FGF12: variants seen among roughly 807,000 people sequenced by gnomAD.
The protein encoded by FGF12 is fibroblast growth factor 12B.
FGF12 carries 14 observed loss-of-function variants against 23.6 expected under a neutral mutation model. That is an observed-to-expected ratio of 0.59 (90% CI 0.39 to 0.93). The LOEUF (loss-of-function observed/expected upper bound fraction) is 0.93, where lower values mean the gene tolerates loss of function less well. Ranked by LOEUF, FGF12 falls within the 40% of genes least tolerant of loss-of-function variation. FGF12 has a pLI of 0.00. For missense variants in FGF12, 175 were observed against 217.8 expected (o/e 0.80, Z 1.24); for synonymous variants, 62 against 77.3 (o/e 0.80, Z 1.04).
chr3:192,571,468 G>A (rs1450776350), intron 2 of FGF12, among the ~76,000 whole-genome samples: 4 of 152,260 alleles, frequency 2.6e-5, no homozygotes, highest in African/African-American at 7.2e-5. Flanking sequence ...GAGCGCGCGA[G>A]CAGCGCGGCA....
intron 2 of FGF12, among the ~76,000 whole-genome samples, chr3:192,472,622 A>G (rs1286028100): frequency 6.6e-6 from 1 of 152,156 alleles, no homozygotes; most frequent in African/African-American, 2.4e-5. Context: ...GCTAAAACTC[A>G]TGAACAGCAT....
chr3:192,724,416 C>T (rs957096487), intron 2 of FGF12, among the ~76,000 whole-genome samples: 4 of 152,130 alleles, frequency 2.6e-5, no homozygotes, highest in African/African-American at 7.2e-5. Context: ...GTATGCGGTG[C>T]CATCTCAGGA....
chr3:192,597,008 T>C (rs918806835), intron 2 of FGF12, among the ~76,000 whole-genome samples: 1 of 152,238 alleles, frequency 6.6e-6, no homozygotes, highest in East Asian at 1.9e-4. Context: ...ATTCTATGAA[T>C]GTTAAGTCCC....
intron 2 of FGF12, among the ~76,000 whole-genome samples, chr3:192,712,607 TTTAAG>T (rs1414652087): frequency 2.0e-5 from 3 of 152,170 alleles, no homozygotes; most frequent in African/African-American, 7.2e-5. Context: ...AATGGTGTAA[TTTAAG>T]TTCTGAAGAA....
At chr3:192,669,495 G>C (rs906199071) in intron 2 of FGF12, among the ~76,000 whole-genome samples, 1 of 151,304 alleles carries the variant, frequency 6.6e-6, no homozygotes, top group Non-Finnish European at 1.5e-5. Context: ...ACTGAGGCAG[G>C]AGAATCGCTT....
intron 5 of FGF12, among the ~76,000 whole-genome samples, chr3:192,155,932 C>G (rs572110686): frequency 1.3e-5 from 2 of 152,282 alleles, no homozygotes; most frequent in South Asian, 4.1e-4. Context: ...TTCCTAGTCC[C>G]TTGATTTGTA....
chr3:192,174,613 A>G (rs887104742), intron 4 of FGF12, among the ~76,000 whole-genome samples: 4 of 152,312 alleles, frequency 2.6e-5, no homozygotes, highest in Non-Finnish European at 5.9e-5. Context: ...AGTCATTCTA[A>G]GTAGAACCTT....
intron 2 of FGF12, among the ~76,000 whole-genome samples, chr3:192,589,271 T>G (rs1713524143): frequency 1.3e-5 from 2 of 150,866 alleles, no homozygotes; most frequent in Non-Finnish European, 3.0e-5. Flanking sequence ...GGAGGCGAAG[T>G]TTGCAGGAAG....
chr3:192,576,855 A>G (rs1577062703), intron 2 of FGF12, among the ~76,000 whole-genome samples: 1 of 152,160 alleles, frequency 6.6e-6, no homozygotes, highest in South Asian at 2.1e-4. Context: ...ACACATAGAC[A>G]CCATGGAATA....
At chr3:192,611,576 C>A (rs1714551031) in intron 2 of FGF12, among the ~76,000 whole-genome samples, 1 of 151,974 alleles carries the variant, frequency 6.6e-6, no homozygotes, top group Admixed American at 6.6e-5. Flanking sequence ...CTGAACACAG[C>A]TTCATAATAG....
chr3:192,192,056 G>C (rs990952681), intron 4 of FGF12, among the ~76,000 whole-genome samples: 1 of 152,090 alleles, frequency 6.6e-6, no homozygotes, highest in Non-Finnish European at 1.5e-5. Flanking sequence ...CTGGTGCTCT[G>C]GCATAAACCT....
Position 192,408,128 on chromosome 3 carries a change from G to A in FGF12, c.14-47590C>T. 6.2e-7 allele frequency: 1 copy of A among 1,612,820 alleles called. No homozygotes were observed. The highest frequency in any genetic ancestry group is 2.2e-5 in the East Asian group (1 of 44,842). ...ACAGGGAGCGCCCGTCTTTGCTGGG[G>A]CTGGAGCGGCGCTTGGAGGCCGACA... On this transcript the variant is annotated intron_variant, in intron 2 of 5. Coordinates refer to ENST00000445105, the MANE Select transcript of FGF12 (RefSeq NM_004113.6). The surrounding 1 kb of genome is among the most constrained non-coding windows in gnomAD (Gnocchi z 7.3).
chr3:192,268,619 T>C, intron 4 of FGF12: 1 of 413,464 alleles, frequency 2.4e-6, no homozygotes, highest in South Asian at 1.8e-5. Flanking sequence ...GCTTCTCCCC[T>C]GCATTGCTCC....
intron 2 of FGF12, among the ~76,000 whole-genome samples, chr3:192,510,451 C>G (rs1271185850): frequency 6.6e-6 from 1 of 152,102 alleles, no homozygotes; most frequent in East Asian, 1.9e-4. Flanking sequence ...TATTAGAATG[C>G]CCAAAATCCA....
At chr3:192,359,257 T>C (rs1160274693) in intron 3 of FGF12, among the ~76,000 whole-genome samples, 2 of 152,218 alleles carry the variant, frequency 1.3e-5, no homozygotes, top group Non-Finnish European at 2.9e-5. Flanking sequence ...TAATATTAAC[T>C]GAACAAAGAA....
At chr3:192,704,276 TGGCTGTTGATCATTCATGG>T (rs1179794823) in intron 2 of FGF12, among the ~76,000 whole-genome samples, 1 of 152,306 alleles carries the variant, frequency 6.6e-6, no homozygotes, top group East Asian at 1.9e-4. Flanking sequence ...AGCTATAGGA[TGGCTGTTGATCATTCATGG>T]ATCATAACTG....
intron 2 of FGF12, among the ~76,000 whole-genome samples, chr3:192,435,370 C>A (rs1167886681): frequency 6.6e-6 from 1 of 152,154 alleles, no homozygotes; most frequent in Non-Finnish European, 1.5e-5. Context: ...TTGAAAACTA[C>A]TTAAAAGAGA....
intron 2 of FGF12, among the ~76,000 whole-genome samples, chr3:192,493,750 A>G (rs1723869018): frequency 6.6e-6 from 1 of 152,188 alleles, no homozygotes; most frequent in Non-Finnish European, 1.5e-5. Flanking sequence ...TTAAATAACC[A>G]GATCTCAGGA....
intron 2 of FGF12, among the ~76,000 whole-genome samples, chr3:192,491,689 T>C (rs1021426945): frequency 6.6e-6 from 1 of 152,168 alleles, no homozygotes; most frequent in African/African-American, 2.4e-5. Context: ...TGAAACTGTA[T>C]ATAAACTACA....
Sources: gnomAD v4.1 joint callset for allele counts (sites outside exome capture counted in the v4.1 genomes callset) on GRCh38, gnomAD v4.1.1 for gene constraint, Gnocchi (gnomAD v3.1) non-coding constraint, MANE v1.5 for transcripts, NCBI Gene and HGNC (gene_info 2026-07-23, HGNC 2026-07-21) for gene names.